Variants in KIF2A observed in about 807,000 individuals in gnomAD.
The protein encoded by KIF2A is kinesin family member 2A, also known as kinesin-like protein KIF2A.
KIF2A carries 22 observed loss-of-function variants against 100.2 expected under a neutral mutation model. That is an observed-to-expected ratio of 0.22 (90% CI 0.16 to 0.31). The LOEUF (loss-of-function observed/expected upper bound fraction) is 0.31, where lower values mean the gene tolerates loss of function less well. Ranked by LOEUF, KIF2A falls within the 10% of genes least tolerant of loss-of-function variation. KIF2A has a pLI of 1.00. For synonymous variants in KIF2A, 268 were observed against 285.9 expected (o/e 0.94, Z 0.63); for missense variants, 495 against 898.7 (o/e 0.55, Z 5.74).
intron 13 of KIF2A, 52 bp from the exon 14 acceptor site, chr5:62,363,643 A>C (rs1015500527): frequency 1.4e-5 from 20 of 1,460,518 alleles, no homozygotes; most frequent in Non-Finnish European, 1.5e-5. Flanking sequence ...TGTGGTTTGA[A>C]CATGTAAATT....
chr5:62,390,578 G>C lies in KIF2A; in HGVS notation c.*5009G>C, dbSNP rs1742257050. Among the ~76,000 whole-genome samples, 1 of 152,152 alleles carries C rather than the reference G, an allele frequency of 6.6e-6. No individual in the cohort carries two copies. The highest frequency in any genetic ancestry group is 2.4e-5 in the African/African-American group (1 of 41,436). On this transcript the variant is annotated 3_prime_UTR_variant, in exon 21 of 21. Transcript: ENST00000407818. The stretch of plus-strand genomic sequence containing the variant: ...AGACTAAGACTATGAATGAGAGTTG[G>C]GGAAGGAGCAGGAAGGGAGGAACCT...
intron 18 of KIF2A, among the ~76,000 whole-genome samples, chr5:62,376,709 C>G (rs1741566680): frequency 6.6e-6 from 1 of 152,002 alleles, no homozygotes; most frequent in Non-Finnish European, 1.5e-5. Flanking sequence ...GAGTGAGCCA[C>G]CACACCCAGC....
intron 1 of KIF2A, among the ~76,000 whole-genome samples, chr5:62,337,076 C>T (rs868395005): frequency 1.3e-5 from 2 of 152,216 alleles, no homozygotes; most frequent in African/African-American, 4.8e-5. Flanking sequence ...CTTATAATAA[C>T]GCAAAGCAAG....
chr5:62,388,756 T>C lies in KIF2A; in HGVS notation c.*3187T>C. The C allele has an allele frequency of 2.0e-6, 1 of 498,360 alleles. No homozygotes were observed. Among genetic ancestry groups the C allele is most frequent in the Non-Finnish European group, 3.6e-6 (1 of 278,188 alleles). The allele number at this position is 498,360 out of a possible 1,614,324, so 30.9% of individuals were successfully genotyped here. The stretch of plus-strand genomic sequence containing the variant: ...GTTAGAAATGATAAGTGTAAAGTTG[T>C]GCGTCTCTGCGGCTCCTGAACTTGA... On this transcript the variant is annotated 3_prime_UTR_variant, in exon 21 of 21. Coordinates refer to ENST00000407818, the MANE Select transcript of KIF2A (RefSeq NM_001098511.3).
At chr5:62,366,556 G>A (rs892233328) in intron 16 of KIF2A, 75 bp downstream of exon 16, 28 of 908,440 alleles carry the variant, frequency 3.1e-5, no homozygotes, top group East Asian at 1.1e-4. Context: ...TATCTGCCTC[G>A]TGCGGTGGCT....
Position 62,365,345 on chromosome 5 carries a change from A to G in KIF2A, c.1570A>G (p.Thr524Ala). The G allele has an allele frequency of 1.3e-6, 2 of 1,522,238 alleles. No individual in the cohort carries two copies. Among genetic ancestry groups the G allele is most frequent in the Non-Finnish European group, 9.0e-7 (1 of 1,105,434 alleles). The allele number at this position is 1,522,238 out of a possible 1,614,324, so 94.3% of individuals were successfully genotyped here. The part of the protein sequence containing the change: ...RDSFIGENSR[T>A]CMIATISPGM... ...TTCTTTCATAGGTGAAAACTCTCGT[A>G]CCTGCATGGTAAGTTTATGTTTATT... The change falls in exon 15 of 21, where the codon ACC becomes GCC. Residue 524 changes from threonine (T) to alanine (A), a missense_variant. By Grantham distance (58) the Thr-to-Ala change is moderately conservative (BLOSUM62 0). This residue lies in a region of KIF2A where 100 missense variants were observed against 138.2 expected (regional missense o/e 0.72). Coordinates refer to ENST00000407818, the MANE Select transcript of KIF2A (RefSeq NM_001098511.3).
intron 1 of KIF2A, among the ~76,000 whole-genome samples, chr5:62,343,135 A>T (rs1427579314): frequency 1.2e-4 from 18 of 152,136 alleles, no homozygotes; most frequent in Admixed American, 1.2e-3. Flanking sequence ...CAACTCTCTC[A>T]TCTGCTTCTC....
At chr5:62,362,656 C>T (rs576965054) in intron 12 of KIF2A, 115 bp downstream of exon 12, 13 of 403,474 alleles carry the variant, frequency 3.2e-5, no homozygotes, top group Admixed American at 8.9e-5. Context: ...TGTTGTGCAG[C>T]GTTTACCACC....
intron 16 of KIF2A, among the ~76,000 whole-genome samples, chr5:62,369,675 ATTTTT>A (rs34109812): frequency 6.3e-4 from 95 of 150,310 alleles, no homozygotes; most frequent in African/African-American, 2.2e-3. Flanking sequence ...AGAGTCAGTA[ATTTTT>A]TTTTTTAACA....
chr5:62,328,052 G>A (rs1412320617), intron 1 of KIF2A, among the ~76,000 whole-genome samples: 1 of 152,192 alleles, frequency 6.6e-6, no homozygotes, highest in Admixed American at 6.5e-5. Context: ...GTGTATTCAG[G>A]AGAATACCTG....
At chr5:62,325,647 A>G (rs930776414) in intron 1 of KIF2A, among the ~76,000 whole-genome samples, 3 of 152,154 alleles carry the variant, frequency 2.0e-5, no homozygotes, top group African/African-American at 7.2e-5. Context: ...AAAATAACAG[A>G]TGTTGGCCAG....
intron 1 of KIF2A, among the ~76,000 whole-genome samples, chr5:62,323,900 G>A (rs1311449201): frequency 6.6e-6 from 1 of 152,040 alleles, no homozygotes; most frequent in African/African-American, 2.4e-5. Flanking sequence ...CGAGCATGGT[G>A]GTATGTACCT....
Position 62,308,507 on chromosome 5 carries a change from G to T in KIF2A, c.64+1971G>T, listed in dbSNP as rs1415168315. On this transcript the variant is annotated intron_variant, in intron 1 of 20. Coordinates refer to ENST00000407818, the MANE Select transcript of KIF2A (RefSeq NM_001098511.3). ...TAGGGAAGCAACCTAAATGTCCATC[G>T]ATGGGTGAGGAATGGCTAAAGAAAT... 3 of 712,434 alleles carry T rather than the reference G, an allele frequency of 4.2e-6. No individual in the cohort carries two copies. The South Asian group carries it at 4.4e-5, about 11-fold the overall frequency. The allele number at this position is 712,434 out of a possible 1,614,324, so 44.1% of individuals were successfully genotyped here. A position where few individuals can be genotyped will look rare whatever the true frequency, so the allele number is the denominator to read the frequency against.
At chr5:62,318,031 A>G (rs1026822843) in intron 1 of KIF2A, among the ~76,000 whole-genome samples, 1 of 152,178 alleles carries the variant, frequency 6.6e-6, no homozygotes, top group African/African-American at 2.4e-5. Flanking sequence ...AATTATAGCA[A>G]CTTGCTAAAG....
chr5:62,333,994 C>G (rs1204761650), intron 1 of KIF2A, among the ~76,000 whole-genome samples: 2 of 152,130 alleles, frequency 1.3e-5, no homozygotes, highest in African/African-American at 2.4e-5. Flanking sequence ...TACTTAGAAG[C>G]TGTCGTCACC....
intron 1 of KIF2A, among the ~76,000 whole-genome samples, chr5:62,323,125 G>A (rs1375864012): frequency 9.9e-5 from 15 of 151,296 alleles, no homozygotes; most frequent in Admixed American, 2.6e-4. Context: ...GCATGGTGGC[G>A]CATGCCTGTA....
Position 62,388,177 on chromosome 5 carries a change from A to T in KIF2A, c.*2608A>T, listed in dbSNP as rs1337167080. On this transcript the variant is annotated 3_prime_UTR_variant, in exon 21 of 21. Transcript: ENST00000407818. The stretch of plus-strand genomic sequence containing the variant: ...TGGAAATTTTAATTGTCCAGAAATC[A>T]TAGGAATACTGGGAACCTGTAGTTA... 6.6e-6 allele frequency: 1 copy of T among 152,180 alleles called. No individual in the cohort carries two copies. The highest frequency in any genetic ancestry group is 6.5e-5 in the Admixed American group (1 of 15,276). The allele number at this position is 152,180 out of a possible 1,614,324, so 9.4% of individuals were successfully genotyped here.
intron 11 of KIF2A, among the ~76,000 whole-genome samples, chr5:62,361,886 G>C (rs1298645487): frequency 1.3e-5 from 2 of 151,802 alleles, no homozygotes; most frequent in Non-Finnish European, 2.9e-5. Flanking sequence ...ACTTAGCCAG[G>C]CGTGGTGGCG....
intron 11 of KIF2A, among the ~76,000 whole-genome samples, chr5:62,361,958 G>A (rs1748435502): frequency 6.6e-6 from 1 of 151,526 alleles, no homozygotes; most frequent in Non-Finnish European, 1.5e-5. Flanking sequence ...TTTGAACCCA[G>A]GAAGCAGAGG....
Sources: allele counts gnomAD v4.1 joint callset (sites outside exome capture counted in the v4.1 genomes callset), GRCh38; gene constraint gnomAD v4.1.1; regional missense constraint gnomAD v4.1.1; transcripts MANE v1.5; gene names NCBI Gene and HGNC (gene_info 2026-07-23, HGNC 2026-07-21).